Variants in SPOCK1 observed in about 807,000 individuals in gnomAD.
SPOCK1 encodes SPARC (osteonectin), cwcv and kazal like domains proteoglycan 1, also known as testican-1.
A neutral mutation model predicts 55.3 loss-of-function variants in SPOCK1; 23 were observed. That is an observed-to-expected ratio of 0.42 (90% CI 0.30 to 0.59). The LOEUF is 0.59. SPOCK1 is among the 20% of genes least tolerant of loss of function. The pLI is 0.22. For synonymous variants in SPOCK1, 226 were observed against 221.0 expected (o/e 1.02, Z -0.20); for missense variants, 499 against 552.5 (o/e 0.90, Z 0.97).
rs150612301 is a variant in SPOCK1, at chr5:137,277,454, C to T, written c.187-10399G>A. On this transcript the variant is annotated intron_variant, in intron 2 of 10. Coordinates refer to ENST00000394945, the MANE Select transcript of SPOCK1 (RefSeq NM_004598.4). Reference sequence around the variant, plus strand: ...TTTTTGCCTGACTTCGAAGATCATGCTGTAACCACTACATACTACTGCTTC... The same window carrying T: ...TTTTTGCCTGACTTCGAAGATCATGTTGTAACCACTACATACTACTGCTTC... 1.1e-3 allele frequency among the ~76,000 whole-genome samples: 165 copies of T among 152,288 alleles called. 1 individual carries two copies. In the East Asian group the frequency reaches 0.027, roughly 25 times the overall value.
At chr5:137,274,084 G>A (rs568031570) in intron 2 of SPOCK1, among the ~76,000 whole-genome samples, 1 of 152,240 alleles carries the variant, frequency 6.6e-6, no homozygotes, top group South Asian at 2.1e-4. Context: ...AAAGAACTGA[G>A]TCTGAGGTTT....
chr5:137,466,945 C>G (rs749622174), intron 2 of SPOCK1, among the ~76,000 whole-genome samples: 2 of 152,178 alleles, frequency 1.3e-5, no homozygotes, highest in Non-Finnish European at 2.9e-5. Flanking sequence ...CAAGGTTTCA[C>G]GGGAAGCTTG....
At position 137,112,569 on chromosome 5, in the gene SPOCK1, T is replaced by G. The variant is rs748004468; in HGVS notation, c.348-8A>C. The G allele has an allele frequency of 2.2e-5, 36 of 1,606,838 alleles. No individual in the cohort carries two copies. The highest frequency in any genetic ancestry group is 3.0e-5 in the Non-Finnish European group (35 of 1,178,200). On this transcript the variant is annotated splice_polypyrimidine_tract_variant and splice_region_variant and intron_variant, in intron 4 of 10. Transcript: ENST00000394945. ...ACGTTCCCCTTCTTTTGCCTAAAGATGAGAAAAAAGGGGATAAATTAGTTG... is the reference window on the plus strand; with the variant it reads ...ACGTTCCCCTTCTTTTGCCTAAAGAGGAGAAAAAAGGGGATAAATTAGTTG...
chr5:137,253,471 T>TG (rs990308280), intron 3 of SPOCK1, among the ~76,000 whole-genome samples: 6 of 152,224 alleles, frequency 3.9e-5, no homozygotes, highest in African/African-American at 1.2e-4. Flanking sequence ...GGAAATTCTA[T>TG]GGGGAGTCAT....
chr5:137,180,486 G>C (rs1414524314), intron 3 of SPOCK1, among the ~76,000 whole-genome samples: 2 of 152,104 alleles, frequency 1.3e-5, no homozygotes, highest in East Asian at 3.9e-4. Context: ...TCACAGGAGG[G>C]AACATGAAAT....
intron 4 of SPOCK1, among the ~76,000 whole-genome samples, chr5:137,125,215 C>T (rs1393327258): frequency 3.3e-5 from 5 of 152,142 alleles, no homozygotes; most frequent in African/African-American, 1.2e-4. Flanking sequence ...ATTAAACGTG[C>T]CATGAACACC....
At chr5:137,038,071 G>A (rs920211555) in intron 6 of SPOCK1, among the ~76,000 whole-genome samples, 9 of 152,212 alleles carry the variant, frequency 5.9e-5, no homozygotes, top group African/African-American at 2.2e-4. Flanking sequence ...TCTCCCGTAA[G>A]TCTGTTGTGG....
At chr5:137,025,307 T>C (rs1183562530) in intron 6 of SPOCK1, among the ~76,000 whole-genome samples, 1 of 151,914 alleles carries the variant, frequency 6.6e-6, no homozygotes, top group African/African-American at 2.4e-5. Flanking sequence ...CACAATGAAA[T>C]TTTTTCAAAA....
intron 6 of SPOCK1, among the ~76,000 whole-genome samples, chr5:137,038,508 A>T (rs1751927856): frequency 6.6e-6 from 1 of 152,158 alleles, no homozygotes; most frequent in Non-Finnish European, 1.5e-5. Context: ...GAATGGAGGG[A>T]TTTAAGAGAG....
At chr5:136,981,041 C>T (rs1250300790) in intron 9 of SPOCK1, among the ~76,000 whole-genome samples, 1 of 152,088 alleles carries the variant, frequency 6.6e-6, no homozygotes, top group Non-Finnish European at 1.5e-5. Flanking sequence ...TGACTTATAG[C>T]AGTGGTTCTC....
intron 3 of SPOCK1, among the ~76,000 whole-genome samples, chr5:137,182,168 A>C (rs1262256917): frequency 6.6e-6 from 1 of 152,194 alleles, no homozygotes; most frequent in Admixed American, 6.5e-5. Context: ...ATTCTGGAAT[A>C]AAGTTTAAAT....
intron 3 of SPOCK1, among the ~76,000 whole-genome samples, chr5:137,249,571 G>C (rs1270796018): frequency 2.0e-5 from 3 of 152,180 alleles, no homozygotes; most frequent in Admixed American, 2.0e-4. Context: ...ATTAAGAATA[G>C]TTATCTATGG....
rs111393448 is a variant in SPOCK1, at chr5:137,498,449, T to C, written c.110A>G (p.Asn37Ser). ...CAGCCACTGGTCATTGTCTAGGAAA[T>C]TGCCGTGGTTGGGGCCCGCGCCTCC... ...LAGGAGPNHGNFLDNDQWLST... is the reference protein window; with the variant it reads ...LAGGAGPNHGSFLDNDQWLST... Residue 37 changes from asparagine (N) to serine (S), a missense_variant, in exon 2 of 11, where the codon AAT becomes AGT. By Grantham distance (46) the Asn-to-Ser change is conservative. Transcript: ENST00000394945. 0.011 allele frequency: 17,764 copies of C among 1,610,494 alleles called. 135 individuals carry two copies. The highest frequency in any genetic ancestry group is 0.013 in the Non-Finnish European group (15,604 of 1,178,872).
chr5:137,104,024 T>G (rs1358145960), intron 5 of SPOCK1, among the ~76,000 whole-genome samples: 1 of 152,188 alleles, frequency 6.6e-6, no homozygotes, highest in Admixed American at 6.5e-5. Flanking sequence ...ACTGAGTACT[T>G]CTCCAAACAC....
At chr5:137,281,327 G>A (rs921210037) in intron 2 of SPOCK1, among the ~76,000 whole-genome samples, 1 of 152,176 alleles carries the variant, frequency 6.6e-6, no homozygotes, top group Non-Finnish European at 1.5e-5. Context: ...TCTGAGAAAA[G>A]TATCTACATC....
At chr5:137,488,831 G>A (rs1213583789) in intron 2 of SPOCK1, among the ~76,000 whole-genome samples, 1 of 152,148 alleles carries the variant, frequency 6.6e-6, no homozygotes, top group African/African-American at 2.4e-5. Context: ...TGTTGACGGT[G>A]CCCTCTGGAG....
At chr5:137,342,401 G>C (rs1027200627) in intron 2 of SPOCK1, among the ~76,000 whole-genome samples, 1 of 152,112 alleles carries the variant, frequency 6.6e-6, no homozygotes, top group Non-Finnish European at 1.5e-5. Flanking sequence ...CATGGAATCG[G>C]TCACTATGAA....
At chr5:137,432,648 A>C (rs1273177439) in intron 2 of SPOCK1, among the ~76,000 whole-genome samples, 1 of 152,194 alleles carries the variant, frequency 6.6e-6, no homozygotes, top group African/African-American at 2.4e-5. Context: ...CAAGACGAAA[A>C]AAATTCTGGA....
intron 3 of SPOCK1, among the ~76,000 whole-genome samples, chr5:137,185,650 G>T (rs188986891): frequency 6.6e-6 from 1 of 152,284 alleles, no homozygotes; most frequent in South Asian, 2.1e-4. Context: ...CAGAAGGAAT[G>T]CAGAGAACAT....
Sources: allele counts gnomAD v4.1 joint callset (sites outside exome capture counted in the v4.1 genomes callset), GRCh38; gene constraint gnomAD v4.1.1; transcripts MANE v1.5; gene names NCBI Gene and HGNC (gene_info 2026-07-23, HGNC 2026-07-21).